MPV17L: variants seen among roughly 807,000 people sequenced by gnomAD.
MPV17L encodes the protein mpv17-like protein.
In MPV17L, 24 loss-of-function variants were observed where a neutral mutation model predicts 25.8. That is an observed-to-expected ratio of 0.93 (90% CI 0.67 to 1.31). The LOEUF (loss-of-function observed/expected upper bound fraction) is 1.31. Among genes scored for constraint, MPV17L ranks in the 50% most tolerant of loss-of-function variants. The pLI is 0.00. For synonymous variants in MPV17L, 102 were observed against 115.3 expected (o/e 0.88, Z 0.74); for missense variants, 250 against 265.6 (o/e 0.94, Z 0.41).
intron 1 of MPV17L, 24 bp from the exon 2 acceptor site, chr16:15,400,763 A>T (rs761133739): frequency 7.8e-6 from 12 of 1,545,998 alleles, no homozygotes; most frequent in African/African-American, 1.4e-5. Flanking sequence ...ATCTTTTAAA[A>T]TTTTTTTTGG....
At chr16:15,399,048 G>A (rs935226342) in intron 1 of MPV17L, among the ~76,000 whole-genome samples, 4 of 146,500 alleles carry the variant, frequency 2.7e-5, no homozygotes, top group African/African-American at 9.8e-5. Flanking sequence ...AACCAGAGTC[G>A]TAACAGATTA....
chr16:15,401,680 C>T (rs1430671012), intron 2 of MPV17L, among the ~76,000 whole-genome samples: 2 of 152,002 alleles, frequency 1.3e-5, no homozygotes, highest in African/African-American at 4.8e-5. Flanking sequence ...AATAGTCAGG[C>T]ACGGTGGTGC....
At chr16:15,400,930 A>G (rs2050629337) in intron 2 of MPV17L, 73 bp downstream of exon 2, 2 of 978,596 alleles carry the variant, frequency 2.0e-6, no homozygotes, top group Non-Finnish European at 2.8e-6. Flanking sequence ...ATAAAAATAT[A>G]TGTTTTGTGT....
rs1191424780 is a variant in MPV17L, at chr16:15,412,260, C to G, written c.*4148C>G. ...CTTGGGCAATGTGGTGAAACCCTAT[C>G]CCTACCAAAAATACAAAAATTAGCC... is the stretch of plus-strand genomic sequence containing the variant. On this transcript the variant is annotated 3_prime_UTR_variant, in exon 4 of 4. Transcript: ENST00000396385. 6.6e-6 allele frequency: 1 copy of G among 151,954 alleles called. No homozygotes were observed. The highest frequency in any genetic ancestry group is 1.5e-5 in the Non-Finnish European group (1 of 68,040). 9.4% of individuals were successfully genotyped at this position (151,954 alleles called of 1,614,324 possible). A position where few individuals can be genotyped will look rare whatever the true frequency, so the allele number is the denominator to read the frequency against.
intron 1 of MPV17L, chr16:15,399,591 G>C: frequency 3.2e-6 from 1 of 315,834 alleles, no homozygotes; most frequent in Non-Finnish European, 6.2e-6. Context: ...TAGTTTTGTA[G>C]AGACAAGGTC....
At chr16:15,400,609 C>T (rs1002304291) in intron 1 of MPV17L, among the ~76,000 whole-genome samples, 178 bp from the exon 2 acceptor site, 8 of 152,030 alleles carry the variant, frequency 5.3e-5, no homozygotes, top group African/African-American at 1.9e-4. Context: ...CTCGGCCTCC[C>T]GTTACAGGCT....
chr16:15,408,014 T>C lies in MPV17L; in HGVS notation c.493T>C (p.Cys165Arg). ...VCGFLWATFI[C>R]FSQQSGDGTF... ...TGGTTTTCTCTGGGCCACCTTCATC[T>C]GTTTTTCCCAGCAGAGTGGTGACGG... The change falls in exon 4 of 4, where the codon TGT (cysteine) becomes CGT (arginine). Residue 165 changes from cysteine to arginine, a missense_variant. Coordinates refer to ENST00000396385, the MANE Select transcript of MPV17L (RefSeq NM_001128423.2). 1 of 1,614,030 alleles carries C rather than the reference T, an allele frequency of 6.2e-7. No homozygotes were observed. Among genetic ancestry groups the C allele is most frequent in the South Asian group, 1.1e-5 (1 of 91,076 alleles).
chr16:15,395,847 G>A lies in MPV17L; in HGVS notation c.-51G>A. 4.4e-6 allele frequency: 6 copies of A among 1,366,274 alleles called. No individual in the cohort carries two copies. Among genetic ancestry groups the A allele is most frequent in the Non-Finnish European group, 5.6e-6 (6 of 1,068,250 alleles). 84.6% of individuals were successfully genotyped at this position (1,366,274 alleles called of 1,614,324 possible). A position where few individuals can be genotyped will look rare whatever the true frequency, so the allele number is the denominator to read the frequency against. ...GCTGGGGAGGCCCGGACCCGGTGCA[G>A]GAAGACGCCGACCACGCGGGCTCCT... On this transcript the variant is annotated 5_prime_UTR_variant, in exon 1 of 4. Coordinates refer to ENST00000396385, the MANE Select transcript of MPV17L (RefSeq NM_001128423.2).
At chr16:15,399,695 T>C in intron 1 of MPV17L, 1 of 228,542 alleles carries the variant, frequency 4.4e-6, no homozygotes, top group Non-Finnish European at 8.7e-6. Context: ...CTTTCAAATT[T>C]TGAATAGGGT....
chr16:15,395,948 G>A lies in MPV17L; in HGVS notation c.51G>A (p.Trp17Ter). 2 of 1,490,986 alleles carry A rather than the reference G, an allele frequency of 1.3e-6. No homozygotes were observed. The highest frequency in any genetic ancestry group is 1.8e-6 in the Non-Finnish European group (2 of 1,129,266). 92.4% of individuals were successfully genotyped at this position (1,490,986 alleles called of 1,614,324 possible). A position where few individuals can be genotyped will look rare whatever the true frequency, so the allele number is the denominator to read the frequency against. The change falls in exon 1 of 4, where the codon TGG becomes TGA. Residue 17 changes from tryptophan (W) to a stop codon, truncating the protein, a stop_gained. Coordinates refer to ENST00000396385, the MANE Select transcript of MPV17L (RefSeq NM_001128423.2). LOFTEE classifies it high-confidence loss of function. ...ALSRAARRHP[W>*]PTNVLLYGSL... ...CGCGCGCGGCCCGGCGCCACCCGTGGCCCACCAACGTGCTGCTTTACGGCT... is the reference window on the plus strand; with the variant it reads ...CGCGCGCGGCCCGGCGCCACCCGTGACCCACCAACGTGCTGCTTTACGGCT...
chr16:15,403,990 A>C (rs1039965333), intron 2 of MPV17L, among the ~76,000 whole-genome samples: 1 of 151,714 alleles, frequency 6.6e-6, no homozygotes, highest in Non-Finnish European at 1.5e-5. Flanking sequence ...ACTTGATGAA[A>C]TCCCCTCTCT....
rs936082258 is a variant in MPV17L at position 15,410,550 on chromosome 16, CA to C, written c.*2449del. ...TGGGTGACAGAGTGAGACTCCGTCT[CA>C]AAAAAAAAAAGTTTCAGTAAATTCC... On this transcript the variant is annotated 3_prime_UTR_variant, in exon 4 of 4. Transcript: ENST00000396385. 55 of 144,848 alleles carry C rather than the reference CA, an allele frequency of 3.8e-4. No homozygotes were observed. The highest frequency in any genetic ancestry group is 3.5e-3 in the Middle Eastern group (1 of 284). The allele number at this position is 144,848 out of a possible 1,614,324, so 9.0% of individuals were successfully genotyped here.
In MPV17L at chr16:15,395,997, C is replaced by G. The variant is rs944106123; in HGVS notation, c.100C>G (p.Leu34Val). 1 of 1,518,884 alleles carries G rather than the reference C, an allele frequency of 6.6e-7. No individual in the cohort carries two copies. The highest frequency in any genetic ancestry group is 8.8e-7 in the Non-Finnish European group (1 of 1,140,082). 94.1% of individuals were successfully genotyped at this position (1,518,884 alleles called of 1,614,324 possible). The change falls in exon 1 of 4, where the codon CTG (leucine) becomes GTG (valine). Residue 34 changes from leucine (L) to valine (V), a missense_variant. Leu to Val is a conservative substitution (Grantham distance 32). Coordinates refer to ENST00000396385, the MANE Select transcript of MPV17L (RefSeq NM_001128423.2). ...CTCGCTCGTCTCGGCCGGGGACGCGCTGCAACAGCGGCTGCAGGGCCGCGA... is the reference window on the plus strand; with the variant it reads ...CTCGCTCGTCTCGGCCGGGGACGCGGTGCAACAGCGGCTGCAGGGCCGCGA... ...YGSLVSAGDA[L>V]QQRLQGREAN...
intron 1 of MPV17L, among the ~76,000 whole-genome samples, chr16:15,397,994 G>C (rs2050601920): frequency 6.6e-6 from 1 of 152,096 alleles, no homozygotes; most frequent in Admixed American, 6.6e-5. Context: ...GAAGGGGTAG[G>C]GGACCAGAAT....
chr16:15,409,097 T>G lies in MPV17L; in HGVS notation c.*985T>G, dbSNP rs2150909056. The G allele has an allele frequency of 6.7e-6, 1 of 149,668 alleles. No individual in the cohort carries two copies. Among genetic ancestry groups the G allele is most frequent in the Non-Finnish European group, 1.5e-5 (1 of 67,384 alleles). The allele number at this position is 149,668 out of a possible 1,614,324, so 9.3% of individuals were successfully genotyped here. A position where few individuals can be genotyped will look rare whatever the true frequency, so the allele number is the denominator to read the frequency against. ...CAACCGACTTTTTTTTTTTTTTTTT[T>G]TTGAGACAGAGACTCGCTCTGTCAC... On this transcript the variant is annotated 3_prime_UTR_variant, in exon 4 of 4. Coordinates refer to ENST00000396385, the MANE Select transcript of MPV17L (RefSeq NM_001128423.2).
intron 1 of MPV17L, 126 bp from the exon 2 acceptor site, chr16:15,400,661 T>A (rs868629762): frequency 7.1e-6 from 4 of 566,270 alleles, no homozygotes; most frequent in Non-Finnish European, 1.1e-5. Context: ...CACTGTTGGG[T>A]CAGAGGGTCA....
Position 15,410,682 on chromosome 16 carries a change from CTTAAT to C in MPV17L, c.*2575_*2579del, listed in dbSNP as rs1410785343. 1 of 152,234 alleles carries C rather than the reference CTTAAT, an allele frequency of 6.6e-6. No individual in the cohort carries two copies. Among genetic ancestry groups the C allele is most frequent in the African/African-American group, 2.4e-5 (1 of 41,544 alleles). The allele number at this position is 152,234 out of a possible 1,614,324, so 9.4% of individuals were successfully genotyped here. A position where few individuals can be genotyped will look rare whatever the true frequency, so the allele number is the denominator to read the frequency against. On this transcript the variant is annotated 3_prime_UTR_variant, in exon 4 of 4. Transcript: ENST00000396385. ...TTTATCCTGAGAATGTATATTTAAG[CTTAAT>C]TTAAGACTATATACCTAAAAATTGA...
At chr16:15,402,151 T>G (rs2050644346) in intron 2 of MPV17L, among the ~76,000 whole-genome samples, 1 of 152,182 alleles carries the variant, frequency 6.6e-6, no homozygotes, top group Non-Finnish European at 1.5e-5. Context: ...TTCCAAGGTT[T>G]GAAGCAAATC....
Position 15,400,866 on chromosome 16 carries a change from G to A in MPV17L, c.381+9G>A, listed in dbSNP as rs2050628463. Reference sequence around the variant, plus strand: ...TCTGGAATACCTATCTGGTAAGATAGGCGTTTGAAAATGTAATCACTATAT... The same window carrying A: ...TCTGGAATACCTATCTGGTAAGATAAGCGTTTGAAAATGTAATCACTATAT... On this transcript the variant is annotated intron_variant, in intron 2 of 3. Transcript: ENST00000396385. 1.3e-6 allele frequency: 2 copies of A among 1,576,942 alleles called. No individual in the cohort carries two copies. Among genetic ancestry groups the A allele is most frequent in the Non-Finnish European group, 1.7e-6 (2 of 1,159,292 alleles).
Sources: allele counts gnomAD v4.1 joint callset (sites outside exome capture counted in the v4.1 genomes callset), GRCh38; gene constraint gnomAD v4.1.1; transcripts MANE v1.5; gene names NCBI Gene and HGNC (gene_info 2026-07-23, HGNC 2026-07-21).